Variants in ACTR3C observed in about 807,000 individuals in gnomAD.
The protein encoded by ACTR3C is actin related protein 3C.
In ACTR3C, 18 loss-of-function variants were observed where a neutral mutation model predicts 26.3. That is an observed-to-expected ratio of 0.68 (90% confidence interval 0.47 to 1.01). ACTR3C has a LOEUF of 1.01. Among genes scored for constraint, ACTR3C ranks in the 50% least tolerant of loss-of-function variants. ACTR3C has a pLI of 0.00. For missense variants in ACTR3C, 184 were observed against 250.7 expected, an observed-to-expected ratio of 0.73 and a Z score of 1.80; for synonymous variants, 55 against 94.5, an observed-to-expected ratio of 0.58 and a Z score of 2.42.
chr7:150,288,499 C>T (rs375447077), intron 4 of ACTR3C, among the ~76,000 whole-genome samples: 188 of 126,222 alleles, frequency 1.5e-3, no homozygotes, highest in African/African-American at 2.8e-3. Context: ...GCTCCAGCCT[C>T]AGCCTCCCAA....
At chr7:150,082,945 T>TC in the ACTR3C span, among the ~76,000 whole-genome samples, 54 of 94,932 alleles carry the variant, frequency 5.7e-4, no homozygotes, top group African/African-American at 2.5e-3. Context: ...TTTTTTTTTT[T>TC]TCTTTTTTTT....
the ACTR3C span, among the ~76,000 whole-genome samples, chr7:149,913,931 G>A: frequency 7.1e-6 from 1 of 141,502 alleles, no homozygotes; most frequent in Non-Finnish European, 1.5e-5. Flanking sequence ...TGTCACCCAA[G>A]CTGGAGTACA....
At chr7:150,093,239 C>G in the ACTR3C span, among the ~76,000 whole-genome samples, 1 of 151,000 alleles carries the variant, frequency 6.6e-6, no homozygotes, top group Non-Finnish European at 1.5e-5. Context: ...CTGAGTTTTC[C>G]TGAATGACCA....
the ACTR3C span, among the ~76,000 whole-genome samples, chr7:150,191,380 G>A: frequency 6.6e-6 from 1 of 152,122 alleles, no homozygotes; most frequent in African/African-American, 2.4e-5. Flanking sequence ...TTAGCTTTTT[G>A]TTAAATTTCT....
chr7:149,965,733 C>G, the ACTR3C span, among the ~76,000 whole-genome samples: 2 of 152,206 alleles, frequency 1.3e-5, no homozygotes, highest in Non-Finnish European at 2.9e-5. Flanking sequence ...AGAATTTCAG[C>G]TTAAAATAGC....
chr7:150,047,025 A>AT, the ACTR3C span, among the ~76,000 whole-genome samples: 1,034 of 147,402 alleles, frequency 7.0e-3, 11 homozygotes, highest in East Asian at 0.054. Flanking sequence ...GTATTTTGGT[A>AT]TTTTTTTTTT....
At chr7:150,185,178 A>G in the ACTR3C span, among the ~76,000 whole-genome samples, 11 of 152,240 alleles carry the variant, frequency 7.2e-5, no homozygotes, top group African/African-American at 2.7e-4. Flanking sequence ...CATGATGCCC[A>G]TAAATGAGTG....
the ACTR3C span, among the ~76,000 whole-genome samples, chr7:150,018,991 ATTCTATATTAAGCCCCTTTTCTGTGC>A: frequency 3.5e-4 from 53 of 150,498 alleles, 6 homozygotes; most frequent in African/African-American, 1.2e-3. Context: ...TTCTTTAAAC[ATTCTATATTAAGCCCCTTTTCTGTGC>A]TTTTTTCAGA....
chr7:150,047,725 G>C, the ACTR3C span: 5,276 of 1,256,244 alleles, frequency 4.2e-3, 190 homozygotes, highest in African/African-American at 0.076. Flanking sequence ...CGCGGGCCGA[G>C]GGGCTTGGCT....
chr7:150,039,369 TGC>T, the ACTR3C span, among the ~76,000 whole-genome samples: 1 of 93,960 alleles, frequency 1.1e-5, no homozygotes, highest in Non-Finnish European at 2.5e-5. Context: ...CTCCCCCTCC[TGC>T]GATGGGGGTC....
the ACTR3C span, chr7:150,041,545 C>T: frequency 3.2e-3 from 581 of 181,558 alleles, 9 homozygotes; most frequent in African/African-American, 0.013. Flanking sequence ...CCCCGCCTCG[C>T]GGGGGGTGCC....
chr7:149,936,943 C>A, the ACTR3C span, among the ~76,000 whole-genome samples: 1 of 151,444 alleles, frequency 6.6e-6, no homozygotes, highest in African/African-American at 2.4e-5. Context: ...GCATGTGCCA[C>A]CATACCCAGC....
At chr7:150,037,331 C>CG in the ACTR3C span, among the ~76,000 whole-genome samples, 1,960 of 48,380 alleles carry the variant, frequency 0.041, 362 homozygotes, top group African/African-American at 0.12. Context: ...GGTCCTAAGC[C>CG]GGGGGGGGAA....
the ACTR3C span, among the ~76,000 whole-genome samples, chr7:150,092,697 C>T: frequency 2.7e-5 from 4 of 150,588 alleles, no homozygotes; most frequent in Non-Finnish European, 2.9e-5. Context: ...GCCCACACTC[C>T]GTTGCATCTC....
At chr7:149,992,932 G>A in the ACTR3C span, among the ~76,000 whole-genome samples, 1 of 152,138 alleles carries the variant, frequency 6.6e-6, no homozygotes, top group Non-Finnish European at 1.5e-5. Context: ...AAAGGCTGGA[G>A]AGCCCCCGGC....
In ACTR3C at chr7:150,271,880, A is replaced by G. The variant is rs192730525; in HGVS notation, c.564+12873T>C. 1.0e-3 allele frequency among the ~76,000 whole-genome samples: 151 copies of G among 146,216 alleles called. 17 individuals are homozygous for G. The highest frequency in any genetic ancestry group is 4.0e-3 in the African/African-American group (145 of 36,108). On this transcript the variant is annotated intron_variant, in intron 6 of 7. Transcript: ENST00000683684. ...AAAACCTTTCTTGTCTTAACACTCA[A>G]CTACAAAAGCATACCTCCCCCCTCG...
the ACTR3C span, among the ~76,000 whole-genome samples, chr7:150,123,582 AACAC>A: frequency 3.1e-3 from 371 of 119,176 alleles, 3 homozygotes; most frequent in East Asian, 0.022. Context: ...AGCAAAGGTC[AACAC>A]ACACACACAC....
At chr7:150,045,564 G>GAAAAAA in the ACTR3C span, among the ~76,000 whole-genome samples, 1 of 115,258 alleles carries the variant, frequency 8.7e-6, no homozygotes, top group African/African-American at 3.1e-5. Flanking sequence ...GTATTTTCCA[G>GAAAAAA]AAAAAAAAAA....
chr7:149,923,029 G>A, the ACTR3C span, among the ~76,000 whole-genome samples: 5 of 140,284 alleles, frequency 3.6e-5, no homozygotes, highest in South Asian at 4.6e-4. Flanking sequence ...AAAGGGGGAG[G>A]GGAAGAAGAG....
Sources: allele counts gnomAD v4.1 joint callset (sites outside exome capture counted in the v4.1 genomes callset), GRCh38; gene constraint gnomAD v4.1.1; transcripts MANE v1.5; gene names NCBI Gene and HGNC (gene_info 2026-07-23, HGNC 2026-07-21).